Variants in CXCL12 observed in about 807,000 individuals in gnomAD.
CXCL12 encodes the protein stromal cell-derived factor 1.
A neutral mutation model predicts 10.7 loss-of-function variants in CXCL12; 4 were observed. The observed-to-expected ratio is 0.37, with a 90% CI of 0.18 to 0.86. The LOEUF (loss-of-function observed/expected upper bound fraction) is 0.86. Among genes scored for constraint, CXCL12 ranks in the 40% least tolerant of loss-of-function variants. The pLI is 0.43. For missense variants in CXCL12, 122 were observed against 110.4 expected (o/e 1.10, Z -0.47); for synonymous variants, 54 against 45.4 (o/e 1.19, Z -0.77).
At chr10:44,374,088 C>G (rs1479995131), downstream of CXCL12, among the ~76,000 whole-genome samples, 2 of 152,188 alleles carry the variant, frequency 1.3e-5, no homozygotes, top group Admixed American at 6.5e-5. Context: ...ACAGTCACAT[C>G]AAGACATCAA....
At chr10:44,384,466 G>A (rs991416982) in intron 1 of CXCL12, among the ~76,000 whole-genome samples, 3 of 152,220 alleles carry the variant, frequency 2.0e-5, no homozygotes, top group Non-Finnish European at 4.4e-5. Context: ...ACAGCCTCAA[G>A]TCGCGGCATG....
At chr10:44,376,163 G>A (rs1400150891), downstream of CXCL12, 1 of 881,640 alleles carries the variant, frequency 1.1e-6, no homozygotes, top group African/African-American at 1.7e-5. Flanking sequence ...GAGGCCCCTG[G>A]TCAAAGCACT....
chr10:44,379,103 G>A (rs1474841035), intron 2 of CXCL12, among the ~76,000 whole-genome samples: 3 of 152,108 alleles, frequency 2.0e-5, no homozygotes, highest in East Asian at 3.9e-4. Context: ...GGAAGGGGAC[G>A]ACAGGATGCT....
chr10:44,383,710 A>G (rs1408594781), intron 1 of CXCL12, among the ~76,000 whole-genome samples: 1 of 147,694 alleles, frequency 6.8e-6, no homozygotes, highest in Admixed American at 6.8e-5. Flanking sequence ...ACACTTAGGC[A>G]GTCCGCCACG....
At chr10:44,374,347 C>T, downstream of CXCL12, 2 of 425,854 alleles carry the variant, frequency 4.7e-6, no homozygotes, top group Non-Finnish European at 9.4e-6. Flanking sequence ...GGTTTGCCCT[C>T]TCGGGGCGCT....
At chr10:44,373,363 G>A, downstream of CXCL12, 1 of 1,599,824 alleles carries the variant, frequency 6.3e-7, no homozygotes. Flanking sequence ...AGAACAGAGG[G>A]AAACACCATT....
downstream of CXCL12, chr10:44,372,923 C>A: frequency 6.5e-7 from 1 of 1,535,962 alleles, no homozygotes; most frequent in Non-Finnish European, 8.7e-7. Flanking sequence ...CCTGGCACCC[C>A]CAGGCGTCCC....
In CXCL12 at chr10:44,378,324, C is replaced by T. The variant is rs77900300; in HGVS notation, c.*309G>A. 6.7e-7 allele frequency: 1 copy of T among 1,484,254 alleles called. No homozygotes were observed. Among genetic ancestry groups the T allele is most frequent in the Admixed American group, 1.8e-5 (1 of 56,288 alleles). The allele number at this position is 1,484,254 out of a possible 1,614,324, so 91.9% of individuals were successfully genotyped here. On this transcript the variant is annotated 3_prime_UTR_variant, in exon 3 of 3. Coordinates refer to ENST00000343575, the MANE Select transcript of CXCL12 (RefSeq NM_199168.4). ...GATGATTGTGATGATCATGAAGGAA[C>T]TAACTGCTTGAAAATGCTGTTGATA...
intron 1 of CXCL12, among the ~76,000 whole-genome samples, chr10:44,383,651 C>T (rs1160853887): frequency 7.8e-6 from 1 of 128,718 alleles, no homozygotes; most frequent in Non-Finnish European, 1.6e-5. Flanking sequence ...GCCTCAGGGA[C>T]TTTTCATCAA....
chr10:44,370,290 C>T (rs1202574328), exon 4 of CXCL12: 1 of 152,556 alleles, frequency 6.6e-6, no homozygotes, highest in Non-Finnish European at 1.5e-5. Context: ...TTAAAGCACG[C>T]TGCGTATAGG....
chr10:44,378,769 G>A, intron 2 of CXCL12, 46 bp from the exon 3 acceptor site: 1 of 1,594,136 alleles, frequency 6.3e-7, no homozygotes, highest in Non-Finnish European at 8.6e-7. Flanking sequence ...CAGGAGGAAG[G>A]CGCGGCTGCA....
intron 1 of CXCL12, among the ~76,000 whole-genome samples, chr10:44,384,037 G>A (rs1333589544): frequency 6.6e-6 from 1 of 152,204 alleles, no homozygotes; most frequent in Non-Finnish European, 1.5e-5. Flanking sequence ...TTCAGCGAAA[G>A]AAAAGAAAAA....
rs1248464656 is a variant in CXCL12 at position 44,378,601 on chromosome 10, G to C, written c.*32C>G. ...CAAGGTTTTAGTTTTCCTCGAGTGG[G>C]TCTAGCGGAAAGTCCTTTTTGGCTG... On this transcript the variant is annotated 3_prime_UTR_variant, in exon 3 of 3. Coordinates refer to ENST00000343575, the MANE Select transcript of CXCL12 (RefSeq NM_199168.4). The C allele has an allele frequency of 1.2e-6, 2 of 1,613,948 alleles. No individual in the cohort carries two copies. Among genetic ancestry groups the C allele is most frequent in the African/African-American group, 1.3e-5 (1 of 75,022 alleles).
intron 1 of CXCL12, 144 bp downstream of exon 1, chr10:44,384,801 G>C (rs912903986): frequency 1.3e-6 from 1 of 762,648 alleles, no homozygotes; most frequent in Admixed American, 3.3e-5. Context: ...CACCGCACCA[G>C]AGCGCCCAGC....
intron 1 of CXCL12, among the ~76,000 whole-genome samples, chr10:44,382,704 G>C (rs1052861221): frequency 6.6e-6 from 1 of 152,038 alleles, no homozygotes; most frequent in Admixed American, 6.6e-5. Context: ...TCCACCCCCT[G>C]GGATTATCCA....
intron 1 of CXCL12, among the ~76,000 whole-genome samples, chr10:44,383,341 C>G (rs1588904456): frequency 6.6e-6 from 1 of 152,186 alleles, no homozygotes; most frequent in East Asian, 1.9e-4. Context: ...GGCCATGTCA[C>G]CCTTCCCAGG....
At chr10:44,380,586 T>A in intron 2 of CXCL12, 177 bp downstream of exon 2, 6 of 651,368 alleles carry the variant, frequency 9.2e-6, no homozygotes, top group Non-Finnish European at 1.7e-5. Flanking sequence ...TTAAAATTAA[T>A]GCCTGGTGGC....
chr10:44,376,141 G>C (rs1839443683), downstream of CXCL12: 1 of 1,228,628 alleles, frequency 8.1e-7, no homozygotes, highest in African/African-American at 1.5e-5. Flanking sequence ...TGTGCCTTCA[G>C]TCTCAGGCCT....
At chr10:44,374,282 C>G (rs1204867558), downstream of CXCL12, 2 of 367,688 alleles carry the variant, frequency 5.4e-6, no homozygotes, top group African/African-American at 4.3e-5. Context: ...CCTCCCCAGG[C>G]ACAAAGCCCT....
Sources: allele counts gnomAD v4.1 joint callset (sites outside exome capture counted in the v4.1 genomes callset), GRCh38; gene constraint gnomAD v4.1.1; transcripts MANE v1.5; gene names NCBI Gene and HGNC (gene_info 2026-07-23, HGNC 2026-07-21).